MUSK: variants seen among roughly 807,000 people sequenced by gnomAD.
The protein encoded by MUSK is muscle associated receptor tyrosine kinase, also known as muscle, skeletal receptor tyrosine-protein kinase.
A neutral mutation model predicts 88.7 loss-of-function variants in MUSK; 55 were observed. The observed-to-expected ratio is 0.62, with a 90% confidence interval of 0.50 to 0.78. MUSK has a LOEUF of 0.78. Among genes scored for constraint, MUSK ranks in the 30% least tolerant of loss-of-function variants. The probability of loss-of-function intolerance (pLI) is 0.00; values close to 1 mark genes in which losing one functional copy is unlikely to be tolerated. For synonymous variants in MUSK, 387 were observed against 391.9 expected (o/e 0.99, Z 0.15); for missense variants, 1,015 against 1,074.3 (o/e 0.94, Z 0.77).
At chr9:110,767,645 T>C (rs998111277) in intron 8 of MUSK, 175 bp from the exon 9 acceptor site, 15 of 702,696 alleles carry the variant, frequency 2.1e-5, no homozygotes, top group Non-Finnish European at 3.7e-5. Flanking sequence ...CTAGAGATGA[T>C]ATAATTGCAG....
Position 110,803,818 on chromosome 9 carries a change from A to C in MUSK, c.*2830A>C, listed in dbSNP as rs745733585. On this transcript the variant is annotated 3_prime_UTR_variant, in exon 15 of 15. Transcript: ENST00000374448. ...GATGCATTATTCACCAATATTGTTT[A>C]CTTTTTTAAATAAGATTTTTTTTCA... Among the ~76,000 whole-genome samples the C allele has an allele frequency of 1.3e-5, 2 of 152,156 alleles. No homozygotes were observed. The highest frequency in any genetic ancestry group is 2.4e-5 in the African/African-American group (1 of 41,440).
intron 7 of MUSK, among the ~76,000 whole-genome samples, chr9:110,754,122 T>A (rs1418746089): frequency 1.3e-5 from 2 of 152,236 alleles, no homozygotes; most frequent in Non-Finnish European, 2.9e-5. Context: ...TCTCTGGTTT[T>A]AAATTAATTA....
chr9:110,682,390 A>AGACT (rs2076145288), intron 1 of MUSK, among the ~76,000 whole-genome samples: 1 of 151,366 alleles, frequency 6.6e-6, no homozygotes, highest in Non-Finnish European at 1.5e-5. Context: ...TTTAAAAAGT[A>AGACT]CAAATTGCAC....
chr9:110,777,560 G>T (rs567866644), intron 11 of MUSK, among the ~76,000 whole-genome samples: 18 of 152,094 alleles, frequency 1.2e-4, no homozygotes, highest in African/African-American at 4.3e-4. Flanking sequence ...TTCCCAAATC[G>T]AAGGAATAAA....
chr9:110,703,379 A>T (rs2076555794), intron 5 of MUSK, among the ~76,000 whole-genome samples: 1 of 151,938 alleles, frequency 6.6e-6, no homozygotes, highest in African/African-American at 2.4e-5. Flanking sequence ...TCTATACAAA[A>T]ATTAGCCGGG....
chr9:110,750,368 C>T (rs921641993), intron 7 of MUSK, among the ~76,000 whole-genome samples: 1 of 152,114 alleles, frequency 6.6e-6, no homozygotes, highest in Non-Finnish European at 1.5e-5. Context: ...TGCTAACCCC[C>T]GGATCTCTAG....
intron 7 of MUSK, among the ~76,000 whole-genome samples, chr9:110,755,920 C>T (rs2077304926): frequency 1.1e-5 from 1 of 93,900 alleles, no homozygotes; most frequent in Non-Finnish European, 2.0e-5. Flanking sequence ...GTGCCCAGTG[C>T]CATATATATA....
intron 1 of MUSK, among the ~76,000 whole-genome samples, chr9:110,679,659 G>T (rs1444077647): frequency 6.6e-6 from 1 of 151,480 alleles, no homozygotes; most frequent in Non-Finnish European, 1.5e-5. Context: ...TTTTGTTTTT[G>T]ATTGATAAAG....
intron 7 of MUSK, among the ~76,000 whole-genome samples, chr9:110,749,862 A>G (rs546158006): frequency 1.2e-4 from 18 of 152,314 alleles, no homozygotes; most frequent in African/African-American, 4.3e-4. Context: ...GCAATAATAT[A>G]TAAACACAAA....
intron 14 of MUSK, among the ~76,000 whole-genome samples, chr9:110,790,641 C>G (rs1400076604): frequency 1.3e-5 from 2 of 152,070 alleles, no homozygotes; most frequent in Non-Finnish European, 2.9e-5. Flanking sequence ...TTAGTTTTCT[C>G]TGTGAGGTAG....
intron 3 of MUSK, among the ~76,000 whole-genome samples, chr9:110,688,616 C>T (rs1256692098): frequency 6.6e-6 from 1 of 151,928 alleles, no homozygotes; most frequent in South Asian, 2.1e-4. Flanking sequence ...TCTCCCTCCC[C>T]ACACCAACAC....
At chr9:110,735,881 TTCACTCAC>T (rs2077024830) in intron 6 of MUSK, among the ~76,000 whole-genome samples, 1 of 151,988 alleles carries the variant, frequency 6.6e-6, no homozygotes, top group Admixed American at 6.6e-5. Context: ...GATCTCACAA[TTCACTCAC>T]TCACTATCAT....
intron 5 of MUSK, among the ~76,000 whole-genome samples, chr9:110,723,032 A>G (rs1189820226): frequency 6.6e-6 from 1 of 152,136 alleles, no homozygotes; most frequent in Non-Finnish European, 1.5e-5. Context: ...ACTACTAGGC[A>G]TGTACCCAGA....
chr9:110,753,859 GA>G (rs141006892), intron 7 of MUSK, among the ~76,000 whole-genome samples: 1,976 of 147,964 alleles, frequency 0.013, 45 homozygotes, highest in African/African-American at 0.046. Context: ...CACTACTACA[GA>G]AAAAAAAAAT....
intron 5 of MUSK, among the ~76,000 whole-genome samples, chr9:110,711,401 G>T (rs1200856036): frequency 2.0e-5 from 3 of 152,162 alleles, no homozygotes; most frequent in Admixed American, 6.6e-5. Flanking sequence ...TGCTGGCAAA[G>T]GTCTCTGAGG....
chr9:110,697,658 G>C (rs1044335661), intron 5 of MUSK, among the ~76,000 whole-genome samples, 192 bp downstream of exon 5: 2 of 152,088 alleles, frequency 1.3e-5, no homozygotes, highest in East Asian at 1.9e-4. Flanking sequence ...ATTTTCACTA[G>C]TATAAAAGGT....
chr9:110,740,917 C>T (rs979004364), intron 6 of MUSK, among the ~76,000 whole-genome samples: 2 of 152,060 alleles, frequency 1.3e-5, no homozygotes, highest in African/African-American at 4.8e-5. Context: ...CAAATGATCT[C>T]ACTTATATGT....
chr9:110,681,669 C>T (rs529215741), intron 1 of MUSK, among the ~76,000 whole-genome samples: 26 of 152,016 alleles, frequency 1.7e-4, no homozygotes, highest in South Asian at 6.2e-4. Context: ...GCAAGTAAAA[C>T]GCTCCCACTC....
rs1167203964 is a variant in MUSK, at chr9:110,785,555, C to T, written c.1615C>T (p.Leu539=). ...ATCAGCAGCAGTAACCCTCACCACACTGCCTTCTGAGCTCTTACTAGATAG... is the reference window on the plus strand; with the variant it reads ...ATCAGCAGCAGTAACCCTCACCACATTGCCTTCTGAGCTCTTACTAGATAG... ...RESAAVTLTT[L]PSELLLDRLH... The change falls in exon 13 of 15, where the codon CTG becomes TTG. Residue 539 remains leucine, a synonymous_variant. Transcript: ENST00000374448. 3.1e-6 allele frequency: 5 copies of T among 1,612,252 alleles called. No homozygotes were observed. In the South Asian group the frequency reaches 5.5e-5, roughly 18 times the overall value.
Sources: gnomAD v4.1 joint callset for allele counts (sites outside exome capture counted in the v4.1 genomes callset) on GRCh38, gnomAD v4.1.1 for gene constraint, MANE v1.5 for transcripts, NCBI Gene and HGNC (gene_info 2026-07-23, HGNC 2026-07-21) for gene names.